The following HSD17B2 variants were observed in gnomAD, a reference collection of about 807,000 sequenced individuals.
HSD17B2 encodes hydroxysteroid 17-beta dehydrogenase 2, also known as 17-beta-hydroxysteroid dehydrogenase type 2.
In HSD17B2, 32 loss-of-function variants were observed where a neutral mutation model predicts 26.9. The ratio of observed to expected loss-of-function variants is 1.19; its 90% CI spans 0.90 to 1.60. The LOEUF (loss-of-function observed/expected upper bound fraction) is 1.60. HSD17B2 is among the 40% of genes most tolerant of loss of function. The probability of loss-of-function intolerance (pLI) is 0.00; values close to 1 mark genes in which losing one functional copy is unlikely to be tolerated. For missense variants in HSD17B2, 613 were observed against 468.6 expected (o/e 1.31, Z -2.85); for synonymous variants, 246 against 186.7 (o/e 1.32, Z -2.59).
intron 3 of HSD17B2, among the ~76,000 whole-genome samples, chr16:82,087,245 T>G (rs1904553736): frequency 6.6e-6 from 1 of 152,188 alleles, no homozygotes; most frequent in African/African-American, 2.4e-5. Flanking sequence ...CAAAGCTGTA[T>G]AGCACACTTA....
At chr16:82,042,225 G>C (rs1217426171) in intron 1 of HSD17B2, among the ~76,000 whole-genome samples, 1 of 152,098 alleles carries the variant, frequency 6.6e-6, no homozygotes, top group Non-Finnish European at 1.5e-5. Flanking sequence ...GGCTGGGCTT[G>C]AACCCCTGAC....
In HSD17B2 at chr16:82,068,284, C is replaced by A. The variant is rs973488041; in HGVS notation, c.380C>A (p.Thr127Asn). Residue 127 changes from threonine (T) to asparagine (N), a missense_variant, in exon 2 of 5, where the codon ACC becomes AAC. Physicochemically the swap from Thr to Asn is moderately conservative, Grantham distance 65. Coordinates refer to ENST00000199936, the MANE Select transcript of HSD17B2 (RefSeq NM_002153.3). Reference sequence around the variant, plus strand: ...CCAGGAGCTGAGGAATTGCGAAGAACCTGCTCTCCGCGCCTCTCGGTGCTC... The same window carrying A: ...CCAGGAGCTGAGGAATTGCGAAGAAACTGCTCTCCGCGCCTCTCGGTGCTC... ...NGPGAEELRR[T>N]CSPRLSVLQM... 1 of 1,613,936 alleles carries A rather than the reference C, an allele frequency of 6.2e-7. No homozygotes were observed. The highest frequency in any genetic ancestry group is 1.3e-5 in the African/African-American group (1 of 74,866).
At chr16:82,075,706 A>T (rs909404312) in intron 3 of HSD17B2, among the ~76,000 whole-genome samples, 24 of 152,164 alleles carry the variant, frequency 1.6e-4, no homozygotes, top group African/African-American at 5.8e-4. Flanking sequence ...ACAAGTAACG[A>T]GTTCGAAGCA....
intron 1 of HSD17B2, among the ~76,000 whole-genome samples, chr16:82,053,770 A>G (rs1260926629): frequency 6.6e-6 from 1 of 152,220 alleles, no homozygotes; most frequent in Non-Finnish European, 1.5e-5. Context: ...CCATGGAAAG[A>G]AAGCTTCATC....
intron 3 of HSD17B2, among the ~76,000 whole-genome samples, chr16:82,085,590 C>G (rs911782887): frequency 6.6e-6 from 1 of 151,954 alleles, no homozygotes; most frequent in Admixed American, 6.6e-5. Flanking sequence ...AAAAAAAACC[C>G]TAACTCTGTT....
intron 1 of HSD17B2, among the ~76,000 whole-genome samples, chr16:82,061,287 T>A (rs1914431733): frequency 6.6e-6 from 1 of 151,990 alleles, no homozygotes; most frequent in Non-Finnish European, 1.5e-5. Context: ...ATTTATTTAA[T>A]AAACATCTGG....
intron 3 of HSD17B2, among the ~76,000 whole-genome samples, chr16:82,075,996 T>A (rs555619146): frequency 1.2e-4 from 18 of 151,458 alleles, no homozygotes; most frequent in African/African-American, 4.4e-4. Context: ...ACTAGTAAAC[T>A]GAATTCAACA....
Position 82,045,389 on chromosome 16 carries a change from CTA to C in HSD17B2, c.265+9702_265+9703del, listed in dbSNP as rs1339577162. On this transcript the variant is annotated intron_variant, in intron 1 of 4. Coordinates refer to ENST00000199936, the MANE Select transcript of HSD17B2 (RefSeq NM_002153.3). ...CACTCATGAGAAAGCTGCTTCACCT[CTA>C]TGAGGTTAATTTTTCTCACATATAA... Among the ~76,000 whole-genome samples, 4 of 152,258 alleles carry C rather than the reference CTA, an allele frequency of 2.6e-5. No individual in the cohort carries two copies. In the East Asian group the frequency reaches 7.7e-4, roughly 29 times the overall value.
intron 1 of HSD17B2, among the ~76,000 whole-genome samples, chr16:82,039,248 T>TACACACAC (rs56169712): frequency 5.7e-4 from 83 of 145,396 alleles, no homozygotes; most frequent in African/African-American, 1.9e-3. Context: ...TGGAAAATAA[T>TACACACAC]ACACACACAC....
intron 1 of HSD17B2, among the ~76,000 whole-genome samples, chr16:82,055,697 G>C (rs1914245329): frequency 6.6e-6 from 1 of 152,240 alleles, no homozygotes; most frequent in African/African-American, 2.4e-5. Context: ...TATCAGACAA[G>C]TGGGTGTCAG....
chr16:82,036,801 T>G (rs943801272), intron 1 of HSD17B2, among the ~76,000 whole-genome samples: 1 of 152,204 alleles, frequency 6.6e-6, no homozygotes, highest in Non-Finnish European at 1.5e-5. Context: ...ATGTCTGATA[T>G]CACCTGGAAT....
intron 3 of HSD17B2, among the ~76,000 whole-genome samples, chr16:82,082,330 A>G (rs1032414333): frequency 3.3e-5 from 5 of 152,084 alleles, no homozygotes; most frequent in Admixed American, 1.3e-4. Flanking sequence ...GAATGTACAC[A>G]TTGCTTAAAA....
chr16:82,086,782 C>G (rs550156795), intron 3 of HSD17B2, among the ~76,000 whole-genome samples: 3 of 152,184 alleles, frequency 2.0e-5, no homozygotes, highest in Non-Finnish European at 4.4e-5. Context: ...ATCGTGTGGC[C>G]TAAACAACAC....
intron 1 of HSD17B2, among the ~76,000 whole-genome samples, chr16:82,053,154 G>C (rs1193905673): frequency 6.6e-6 from 1 of 152,206 alleles, no homozygotes; most frequent in African/African-American, 2.4e-5. Context: ...TTAGCTAAAA[G>C]TTGCTAAGAA....
chr16:82,070,581 T>C lies in HSD17B2; in HGVS notation c.479-361T>C, dbSNP rs552201920. On this transcript the variant is annotated intron_variant, in intron 2 of 4. Transcript: ENST00000199936. ...GGGGAATTTATCAGTGGTTTGTTGG[T>C]TCCCTATCAGTGGTTCCCTATCTAA... 3.9e-5 allele frequency among the ~76,000 whole-genome samples: 6 copies of C among 152,354 alleles called. No homozygotes were observed. In the South Asian group the frequency reaches 1.2e-3, roughly 32 times the overall value.
At chr16:82,067,539 C>A (rs780575395) in intron 1 of HSD17B2, among the ~76,000 whole-genome samples, 1 of 152,158 alleles carries the variant, frequency 6.6e-6, no homozygotes, top group Non-Finnish European at 1.5e-5. Context: ...CAGAGCAATG[C>A]AATTAGGGCT....
chr16:82,064,503 A>G (rs1030605913), intron 1 of HSD17B2, among the ~76,000 whole-genome samples: 2 of 152,108 alleles, frequency 1.3e-5, no homozygotes, highest in Non-Finnish European at 2.9e-5. Context: ...ATATATTTTC[A>G]TTTATCTTGG....
chr16:82,042,800 T>C (rs772445765), intron 1 of HSD17B2, among the ~76,000 whole-genome samples: 8 of 152,090 alleles, frequency 5.3e-5, no homozygotes, highest in Non-Finnish European at 1.0e-4. Context: ...TTTGTATTTT[T>C]AGTAGAGATG....
At chr16:82,079,094 GATT>G (rs1904322381) in intron 3 of HSD17B2, among the ~76,000 whole-genome samples, 1 of 152,126 alleles carries the variant, frequency 6.6e-6, no homozygotes, top group Admixed American at 6.5e-5. Context: ...GCCCTGATGT[GATT>G]ATTATGTATT....
Sources: allele counts gnomAD v4.1 joint callset (sites outside exome capture counted in the v4.1 genomes callset), GRCh38; gene constraint gnomAD v4.1.1; transcripts MANE v1.5; gene names NCBI Gene and HGNC (gene_info 2026-07-23, HGNC 2026-07-21).